The following PLXDC2 variants were observed in gnomAD, a reference collection of about 807,000 sequenced individuals.
PLXDC2 encodes the protein plexin domain-containing protein 2.
PLXDC2 carries 40 observed loss-of-function variants against 68.9 expected under a neutral mutation model. That is an observed-to-expected ratio of 0.58 (90% CI 0.45 to 0.76). The LOEUF (loss-of-function observed/expected upper bound fraction) is 0.76, where lower values mean the gene tolerates loss of function less well. Ranked by LOEUF, PLXDC2 falls within the 30% of genes least tolerant of loss-of-function variation. PLXDC2 has a pLI of 0.00. For synonymous variants in PLXDC2, 243 were observed against 234.2 expected (o/e 1.04, Z -0.34); for missense variants, 644 against 661.9 (o/e 0.97, Z 0.30).
At chr10:19,923,336 C>A (rs1373974537) in intron 1 of PLXDC2, among the ~76,000 whole-genome samples, 1 of 151,980 alleles carries the variant, frequency 6.6e-6, no homozygotes, top group Non-Finnish European at 1.5e-5. Context: ...TAAAGTATTG[C>A]CTAGTTAGAA....
intron 12 of PLXDC2, among the ~76,000 whole-genome samples, chr10:20,225,326 T>G (rs1835271153): frequency 6.6e-6 from 1 of 152,218 alleles, no homozygotes; most frequent in African/African-American, 2.4e-5. Context: ...CTTTCATACA[T>G]AAATCATCAA....
intron 12 of PLXDC2, among the ~76,000 whole-genome samples, chr10:20,244,680 A>G (rs950468759): frequency 2.0e-5 from 3 of 152,254 alleles, no homozygotes; most frequent in Non-Finnish European, 2.9e-5. Context: ...AGCTTTCAAA[A>G]TTAATCAGCT....
chr10:20,038,997 A>G (rs967826635), intron 2 of PLXDC2, among the ~76,000 whole-genome samples: 2 of 152,172 alleles, frequency 1.3e-5, no homozygotes, highest in African/African-American at 2.4e-5. Context: ...GAGGGAATCT[A>G]TGTGCAGGAA....
chr10:19,866,424 C>A (rs551375243), intron 1 of PLXDC2, among the ~76,000 whole-genome samples: 3 of 152,312 alleles, frequency 2.0e-5, no homozygotes, highest in Admixed American at 1.3e-4. Flanking sequence ...CCGTGGGACA[C>A]CGCTGGCTAA....
intron 7 of PLXDC2, among the ~76,000 whole-genome samples, chr10:20,168,810 G>A (rs1031330924): frequency 9.9e-5 from 15 of 152,056 alleles, no homozygotes; most frequent in African/African-American, 3.4e-4. Flanking sequence ...TAAATTAACA[G>A]GAAACCCAAG....
intron 1 of PLXDC2, among the ~76,000 whole-genome samples, chr10:19,955,787 G>A (rs1240228214): frequency 6.6e-6 from 1 of 152,074 alleles, no homozygotes; most frequent in Non-Finnish European, 1.5e-5. Flanking sequence ...TTAAAATTTT[G>A]AAACATTCTT....
chr10:20,022,168 C>A (rs546887599), intron 2 of PLXDC2, among the ~76,000 whole-genome samples: 37 of 152,142 alleles, frequency 2.4e-4, no homozygotes, highest in Non-Finnish European at 4.6e-4. Context: ...TCAGAGTGCA[C>A]TTTTTTACAC....
At chr10:19,967,243 A>C (rs1834278850) in intron 1 of PLXDC2, among the ~76,000 whole-genome samples, 1 of 152,216 alleles carries the variant, frequency 6.6e-6, no homozygotes, top group Non-Finnish European at 1.5e-5. Context: ...ATAGTAATTT[A>C]GGGAACCAAT....
chr10:20,235,459 C>A (rs1835420657), intron 12 of PLXDC2, among the ~76,000 whole-genome samples: 1 of 152,122 alleles, frequency 6.6e-6, no homozygotes, highest in Non-Finnish European at 1.5e-5. Flanking sequence ...ACAACCATTC[C>A]ATTGAGGATT....
At chr10:20,046,692 G>T (rs987571116) in intron 2 of PLXDC2, among the ~76,000 whole-genome samples, 177 bp from the exon 3 acceptor site, 4 of 151,838 alleles carry the variant, frequency 2.6e-5, no homozygotes, top group Non-Finnish European at 5.9e-5. Flanking sequence ...CTTACAGTTC[G>T]TATGTGTGTG....
intron 1 of PLXDC2, among the ~76,000 whole-genome samples, chr10:19,980,810 A>G (rs975010252): frequency 6.6e-6 from 1 of 152,172 alleles, no homozygotes; most frequent in Non-Finnish European, 1.5e-5. Context: ...TAGATGCCCC[A>G]TCCCCAAATA....
At chr10:19,899,548 A>C (rs942523646) in intron 1 of PLXDC2, among the ~76,000 whole-genome samples, 1 of 152,180 alleles carries the variant, frequency 6.6e-6, no homozygotes, top group African/African-American at 2.4e-5. Flanking sequence ...ACGCCTCAGA[A>C]AGGACCTTTG....
chr10:20,238,663 A>AAAATATATATATATG (rs1564363433), intron 12 of PLXDC2, among the ~76,000 whole-genome samples: 12 of 109,358 alleles, frequency 1.1e-4, no homozygotes, highest in African/African-American at 4.6e-4. Context: ...CTCAAAAAAA[A>AAAATATATATATATG]TATATATATA....
chr10:20,171,993 A>G (rs1213806458), intron 7 of PLXDC2, among the ~76,000 whole-genome samples: 1 of 152,076 alleles, frequency 6.6e-6, no homozygotes. Flanking sequence ...CTTATTGGGT[A>G]CAATGTACAC....
rs540099572 is a variant in PLXDC2, at chr10:20,199,928, A to C, written c.1062-11741A>C. Among the ~76,000 whole-genome samples the C allele has an allele frequency of 2.0e-5, 3 of 152,076 alleles. No homozygotes were observed. The South Asian group carries it at 6.2e-4, about 32-fold the overall frequency. On this transcript the variant is annotated intron_variant, in intron 9 of 13. Transcript: ENST00000377252. ...ATATGTATTTTTAAATTTGGTTCTTACTTTTCACCCTATTCCAAAATAAAT... is the reference window on the plus strand; with the variant it reads ...ATATGTATTTTTAAATTTGGTTCTTCCTTTTCACCCTATTCCAAAATAAAT...
At chr10:20,227,978 A>C (rs529459131) in intron 12 of PLXDC2, among the ~76,000 whole-genome samples, 2 of 152,284 alleles carry the variant, frequency 1.3e-5, no homozygotes, top group African/African-American at 4.8e-5. Flanking sequence ...TGTGTGATTT[A>C]CGTCATAGGA....
intron 3 of PLXDC2, among the ~76,000 whole-genome samples, chr10:20,053,715 T>A (rs974995990): frequency 6.6e-6 from 1 of 152,146 alleles, no homozygotes; most frequent in Non-Finnish European, 1.5e-5. Flanking sequence ...TCACAACTCC[T>A]ACAGATATAT....
At position 20,177,376 on chromosome 10, in the gene PLXDC2, G is replaced by C; in HGVS notation, c.1028G>C (p.Gly343Ala). The C allele has an allele frequency of 6.3e-7, 1 of 1,597,098 alleles. No homozygotes were observed. The highest frequency in any genetic ancestry group is 8.6e-7 in the Non-Finnish European group (1 of 1,165,852). The change falls in exon 9 of 14, where the codon GGC becomes GCC. Residue 343 changes from glycine to alanine, a missense_variant. Gly to Ala is a moderately conservative substitution (Grantham distance 60). Around this residue, in one of 3 missense-constraint regions of PLXDC2, gnomAD observed 330 missense variants for 327.9 expected, o/e 1.01. Transcript: ENST00000377252. ...RCGPCVSSQI[G>A]FNCSWCSKLQ... The stretch of plus-strand genomic sequence containing the variant: ...GGCCCCTGTGTATCTTCTCAGATTG[G>C]CTTCAACTGCAGTTGGTGTAGTAAA...
At chr10:19,931,782 C>G (rs1488791076) in intron 1 of PLXDC2, among the ~76,000 whole-genome samples, 7 of 152,202 alleles carry the variant, frequency 4.6e-5, no homozygotes, top group African/African-American at 1.4e-4. Context: ...CTGACTCACC[C>G]TCCCTGCCAT....
Sources: gnomAD v4.1 joint callset for allele counts (sites outside exome capture counted in the v4.1 genomes callset) on GRCh38, gnomAD v4.1.1 for gene constraint, gnomAD v4.1.1 regional missense constraint, MANE v1.5 for transcripts, NCBI Gene and HGNC (gene_info 2026-07-23, HGNC 2026-07-21) for gene names.